GYG2: variants seen among roughly 807,000 people sequenced by gnomAD.
The protein encoded by GYG2 is glycogenin 2, also known as glycogenin-2.
GYG2 carries 29 observed loss-of-function variants against 29.4 expected under a neutral mutation model. That is an observed-to-expected ratio of 0.99 (90% confidence interval 0.74 to 1.35). GYG2 has a LOEUF of 1.35. GYG2 is among the 40% of genes most tolerant of loss of function. GYG2 has a pLI of 0.00. For missense variants in GYG2, 370 were observed against 385.7 expected (o/e 0.96, Z 0.34); for synonymous variants, 167 against 172.3 (o/e 0.97, Z 0.24).
chrX:2,840,989 T>C (rs1277060113), intron 2 of GYG2, among the ~76,000 whole-genome samples: 2 of 78,462 alleles, frequency 2.5e-5, no homozygotes, highest in Non-Finnish European at 5.1e-5. Flanking sequence ...ATATGATAGA[T>C]AGATGAATAG....
At chrX:2,830,715 G>A (rs1368261443) in intron 2 of GYG2, among the ~76,000 whole-genome samples, 1 of 111,679 alleles carries the variant, frequency 9.0e-6, no homozygotes, top group African/African-American at 3.3e-5. Context: ...GAGGCCAGGA[G>A]TTTGAGACCA....
At chrX:2,852,184 G>T (rs752245287) in intron 3 of GYG2, among the ~76,000 whole-genome samples, 1 of 111,931 alleles carries the variant, frequency 8.9e-6, no homozygotes, top group South Asian at 3.7e-4. Flanking sequence ...TTGAGCCCAG[G>T]AGTTCGAGGC....
chrX:2,844,604 G>A (rs1487947126), intron 3 of GYG2, among the ~76,000 whole-genome samples: 5 of 41,881 alleles, frequency 1.2e-4, no homozygotes, highest in Admixed American at 3.1e-4. Context: ...ATACGCACAC[G>A]CATGCGTATA....
At chrX:2,879,350 C>G (rs1216278731) in intron 10 of GYG2, among the ~76,000 whole-genome samples, 1 of 107,292 alleles carries the variant, frequency 9.3e-6, no homozygotes, top group African/African-American at 3.4e-5. Flanking sequence ...TCACTGCAAC[C>G]TCCGCCTCCC....
chrX:2,838,039 AAAATT>A (rs946185548), intron 2 of GYG2, among the ~76,000 whole-genome samples: 3 of 111,238 alleles, frequency 2.7e-5, no homozygotes, highest in Admixed American at 1.9e-4. Flanking sequence ...CAAAAAAAAA[AAAATT>A]AAATTAAATG....
chrX:2,868,456 C>G (rs1220783184), intron 8 of GYG2, among the ~76,000 whole-genome samples: 179 of 32,495 alleles, frequency 5.5e-3, no homozygotes, highest in African/African-American at 0.015. Flanking sequence ...GACTCCGTCT[C>G]AAAAAAAAAA....
At chrX:2,880,821 C>A (rs1380081662) in intron 10 of GYG2, among the ~76,000 whole-genome samples, 1 of 111,598 alleles carries the variant, frequency 9.0e-6, no homozygotes, top group African/African-American at 3.3e-5. Context: ...GTGGGAGGAT[C>A]TCTTGAGCCC....
intron 4 of GYG2, 120 bp from the exon 5 acceptor site, chrX:2,854,873 A>C: frequency 2.6e-6 from 2 of 779,476 alleles, no homozygotes; most frequent in Middle Eastern, 3.7e-4. Context: ...CGGAGGCCGC[A>C]GTGAGCCGAG....
At chrX:2,851,095 A>C (rs1038765383) in intron 3 of GYG2, among the ~76,000 whole-genome samples, 4 of 112,460 alleles carry the variant, frequency 3.6e-5, no homozygotes, top group African/African-American at 1.3e-4. Flanking sequence ...GAAAATAAAC[A>C]TAAAATCCGG....
At position 2,832,834 on chromosome X, in the gene GYG2, C is replaced by T. The variant is rs1183627277; in HGVS notation, c.7+2639C>T. Among the ~76,000 whole-genome samples, 7 of 112,386 alleles carry T rather than the reference C, an allele frequency of 6.2e-5. No individual in the cohort carries two copies. In the East Asian group the frequency reaches 2.0e-3, roughly 32 times the overall value. ...ACAGGCGTGAGCCACCACGCTTGGC[C>T]TAATCTCCTTTCTTATAAGGACACC... On this transcript the variant is annotated intron_variant, in intron 2 of 10. Coordinates refer to ENST00000398806, the MANE Select transcript of GYG2 (RefSeq NM_001079855.2).
At chrX:2,829,007 C>G (rs1335107016) in intron 1 of GYG2, 32 bp downstream of exon 1, 1 of 95,587 alleles carries the variant, frequency 1.0e-5, no homozygotes, top group Non-Finnish European at 2.1e-5. Flanking sequence ...TGCAGGGGAC[C>G]GTGGGCAGTG....
chrX:2,865,912 A>G (rs1860209368), intron 8 of GYG2, among the ~76,000 whole-genome samples: 1 of 111,700 alleles, frequency 9.0e-6, no homozygotes, highest in Non-Finnish European at 1.9e-5. Context: ...GGAAATTAGT[A>G]TATTGAAGGG....
In GYG2 at chrX:2,855,240, TACAGTCAC is replaced by T. The variant is rs995228856; in HGVS notation, c.487+88_487+95del. The T allele has an allele frequency of 3.6e-6, 3 of 841,091 alleles. No homozygotes were observed. In the African/African-American group the frequency reaches 6.0e-5, roughly 17 times the overall value. 69.3% of individuals were successfully genotyped at this position (841,091 alleles called of 1,213,427 possible). A position where few individuals can be genotyped will look rare whatever the true frequency, so the allele number is the denominator to read the frequency against. ...GTAACACGAAGTCAGCCGTTGACCA[TACAGTCAC>T]ACCTCGCTCAGCGACAGGGATGCGG... On this transcript the variant is annotated intron_variant, in intron 5 of 10. Transcript: ENST00000398806.
At chrX:2,875,218 G>T (rs891365461) in intron 8 of GYG2, among the ~76,000 whole-genome samples, 3 of 111,672 alleles carry the variant, frequency 2.7e-5, no homozygotes, top group African/African-American at 9.8e-5. Context: ...ACCTTCTAGG[G>T]CAGCTCTTCT....
intron 8 of GYG2, among the ~76,000 whole-genome samples, chrX:2,873,756 G>C (rs2088529459): frequency 9.0e-6 from 1 of 111,050 alleles, no homozygotes; most frequent in South Asian, 3.8e-4. Context: ...CCAGCCCCTG[G>C]CAACTACTGT....
chrX:2,879,127 T>G (rs1351430553), intron 10 of GYG2, among the ~76,000 whole-genome samples: 1 of 111,369 alleles, frequency 9.0e-6, no homozygotes, highest in East Asian at 2.8e-4. Flanking sequence ...GAATCTTATA[T>G]GTAAAAACCT....
At chrX:2,873,129 C>T (rs1159390337) in intron 8 of GYG2, among the ~76,000 whole-genome samples, 6 of 111,447 alleles carry the variant, frequency 5.4e-5, no homozygotes, top group Admixed American at 2.9e-4. Flanking sequence ...ATAGGGCTGT[C>T]GCGATTAAAA....
At chrX:2,855,709 T>TGAGACCAGGAGTTC (rs2087969616) in intron 5 of GYG2, among the ~76,000 whole-genome samples, 1 of 111,420 alleles carries the variant, frequency 9.0e-6, no homozygotes, top group Admixed American at 9.6e-5. Context: ...GCAGATGGCT[T>TGAGACCAGGAGTTC]GAGACCAGGA....
chrX:2,859,966 G>C lies in GYG2; in HGVS notation c.738G>C (p.Ala246=). 8.3e-7 allele frequency: 1 copy of C among 1,203,740 alleles called. No individual in the cohort carries two copies. Among genetic ancestry groups the C allele is most frequent in the South Asian group, 1.8e-5 (1 of 56,175 alleles). Residue 246 remains alanine, a synonymous_variant, in exon 7 of 11, where the codon GCG becomes GCC. Transcript: ENST00000398806. ...CAGCGTCCAGCAGCCAGCACCAGGCGGCATTCCTTCATCTCTGGTGGACGG... is the reference window on the plus strand; with the variant it reads ...CAGCGTCCAGCAGCCAGCACCAGGCCGCATTCCTTCATCTCTGGTGGACGG... The part of the protein sequence containing the change: ...QGSASSSQHQ[A]AFLHLWWTVY...
Sources: gnomAD v4.1 joint callset for allele counts (sites outside exome capture counted in the v4.1 genomes callset) on GRCh38, gnomAD v4.1.1 for gene constraint, MANE v1.5 for transcripts, NCBI Gene and HGNC (gene_info 2026-07-23, HGNC 2026-07-21) for gene names.